Variants in NCAPD3 observed in about 807,000 individuals in gnomAD.
NCAPD3 encodes the protein condensin-2 complex subunit D3.
NCAPD3 carries 105 observed loss-of-function variants against 182.9 expected under a neutral mutation model. That is an observed-to-expected ratio of 0.57 (90% CI 0.49 to 0.68). The LOEUF (loss-of-function observed/expected upper bound fraction) is 0.68. Among genes scored for constraint, NCAPD3 ranks in the 30% least tolerant of loss-of-function variants. The pLI, the probability that NCAPD3 is intolerant of heterozygous loss-of-function variation, is 0.00. For missense variants in NCAPD3, 1,944 were observed against 1,837.0 expected, an observed-to-expected ratio of 1.06 and a Z score of -1.07; for synonymous variants, 815 against 679.9, an observed-to-expected ratio of 1.20 and a Z score of -3.09.
In NCAPD3 at chr11:134,175,154, A is replaced by G. The variant is rs762426397; in HGVS notation, c.3101+1153T>C. 2.0e-5 allele frequency among the ~76,000 whole-genome samples: 3 copies of G among 152,314 alleles called. No individual in the cohort carries two copies. The South Asian group carries it at 6.2e-4, about 32-fold the overall frequency. On this transcript the variant is annotated intron_variant, in intron 24 of 34. Coordinates refer to ENST00000534548, the MANE Select transcript of NCAPD3 (RefSeq NM_015261.3). ...AATCCCACATACAGTTTACTCATTG[A>G]TCATTGCTCTTTTTCACATACACAT...
intron 24 of NCAPD3, among the ~76,000 whole-genome samples, chr11:134,174,475 G>A (rs1944109911): frequency 6.6e-6 from 1 of 150,690 alleles, no homozygotes; most frequent in Non-Finnish European, 1.5e-5. Context: ...CAAAAGTCAG[G>A]CACAGAAAGA....
rs777044701 is a variant in NCAPD3, at chr11:134,220,672, G to A, written c.119C>T (p.Pro40Leu). 1 of 1,613,822 alleles carries A rather than the reference G, an allele frequency of 6.2e-7. No individual in the cohort carries two copies. The highest frequency in any genetic ancestry group is 1.7e-5 in the Admixed American group (1 of 60,012). ...LDFTETEPLD[P>L]SIEAEIIETG... ...CTCTATGATCTCTGCTTCTATGCTG[G>A]GATCCAAAGGCTCAGTCTCTGTGAA... The change falls in exon 2 of 35, where the codon CCC becomes CTC. Residue 40 changes from proline (P) to leucine (L), a missense_variant. Pro to Leu is a moderately conservative substitution (Grantham distance 98). Transcript: ENST00000534548.
intron 24 of NCAPD3, among the ~76,000 whole-genome samples, chr11:134,171,375 AG>A (rs1342685888): frequency 4.6e-5 from 7 of 152,218 alleles, no homozygotes. Context: ...AAAGGCCACA[AG>A]GTAAGAGCCA....
At position 134,179,019 on chromosome 11, in the gene NCAPD3, AT is replaced by A. The variant is rs959791465; in HGVS notation, c.2560-84del. The A allele has an allele frequency of 2.3e-4, 198 of 860,690 alleles. No homozygotes were observed. In the African/African-American group the frequency reaches 2.9e-3, roughly 13 times the overall value. 53.3% of individuals were successfully genotyped at this position (860,690 alleles called of 1,614,324 possible). On this transcript the variant is annotated intron_variant, in intron 20 of 34. Transcript: ENST00000534548. ...TAGATTAAGGACATGTCAATGGAGT[AT>A]TTCCTTTATCCCCCAAATTTAAAAC...
intron 13 of NCAPD3, among the ~76,000 whole-genome samples, chr11:134,195,106 A>T (rs1048262703): frequency 6.6e-5 from 10 of 152,188 alleles, no homozygotes; most frequent in South Asian, 2.1e-4. Flanking sequence ...ACTTGAAGAC[A>T]TTTTTTTATA....
At position 134,223,966 on chromosome 11, in the gene NCAPD3, T is replaced by C. The variant is rs773045843; in HGVS notation, c.-40A>G. ...GGCTCGCCGCCGCCGTGCTCAACTT[T>C]CAAAGCTCGCTCCCGCGCGCGCGCC... On this transcript the variant is annotated 5_prime_UTR_variant, in exon 1 of 35. Transcript: ENST00000534548. 2 of 1,605,414 alleles carry C rather than the reference T, an allele frequency of 1.2e-6. No individual in the cohort carries two copies.
rs564295131 is a variant in NCAPD3 at position 134,150,736 on chromosome 11, A to T, written c.*2208T>A. ...TCTGTCAAGTACAATAACATTTTTAAAAGAAAATGGATCCCACTGTTCCTC... is the reference window on the plus strand; with the variant it reads ...TCTGTCAAGTACAATAACATTTTTATAAGAAAATGGATCCCACTGTTCCTC... On this transcript the variant is annotated 3_prime_UTR_variant, in exon 35 of 35. Transcript: ENST00000534548. The T allele has an allele frequency of 6.6e-6, 1 of 152,250 alleles. No homozygotes were observed. The highest frequency in any genetic ancestry group is 1.9e-4 in the East Asian group (1 of 5,186). The allele number at this position is 152,250 out of a possible 1,614,324, so 9.4% of individuals were successfully genotyped here.
chr11:134,210,558 A>G, intron 3 of NCAPD3, 104 bp from the exon 4 acceptor site: 1 of 992,268 alleles, frequency 1.0e-6, no homozygotes, highest in South Asian at 1.6e-5. Flanking sequence ...GCTTTTCATG[A>G]CTGTGAATAA....
chr11:134,209,079 T>C, intron 6 of NCAPD3, 66 bp downstream of exon 6: 1 of 1,542,686 alleles, frequency 6.5e-7, no homozygotes. Context: ...GGTATTTCCA[T>C]TTCTGCTGGA....
At chr11:134,193,784 A>C (rs1944570540) in intron 15 of NCAPD3, among the ~76,000 whole-genome samples, 1 of 152,164 alleles carries the variant, frequency 6.6e-6, no homozygotes, top group Admixed American at 6.5e-5. Flanking sequence ...TAAAGTGAAG[A>C]AAGGGCTAAC....
At chr11:134,223,622 G>C in intron 1 of NCAPD3, 2 of 654,306 alleles carry the variant, frequency 3.1e-6, no homozygotes, top group Non-Finnish European at 5.6e-6. Flanking sequence ...AGATGCACAG[G>C]CGCTAGAAGA....
In NCAPD3 at chr11:134,204,115, G is replaced by T. The variant is rs772997717; in HGVS notation, c.1146C>A (p.Leu382=). 5.0e-6 allele frequency: 8 copies of T among 1,613,938 alleles called. No individual in the cohort carries two copies. In the East Asian group the frequency reaches 1.8e-4, roughly 36 times the overall value. Reference sequence around the variant, plus strand: ...CGTATTCCCCACAAGGAAGTTTACTGAGCAGCTGGACTAGGGACTGGGCTG... The same window carrying T: ...CGTATTCCCCACAAGGAAGTTTACTTAGCAGCTGGACTAGGGACTGGGCTG... ...TFAAQSLVQL[L]SKLPCGEYAM... is the part of the protein sequence containing the mutation. The change falls in exon 10 of 35, where the codon CTC becomes CTA. Residue 382 remains leucine (L), a synonymous_variant. Coordinates refer to ENST00000534548, the MANE Select transcript of NCAPD3 (RefSeq NM_015261.3). This position sits in a 1 kb window ranked among gnomAD's most constrained non-coding sequence, Gnocchi z 4.3.
At position 134,153,383 on chromosome 11, in the gene NCAPD3, CACT is replaced by C. The variant is rs765960563; in HGVS notation, c.4253-23_4253-21del. 3.7e-5 allele frequency: 60 copies of C among 1,613,538 alleles called. 1 individual carries two copies. In the Middle Eastern group the frequency reaches 1.3e-3, roughly 36 times the overall value. ...TGCTCTCTGCATAAAGAGGAGACACCACTGAGTGAAAGCCGCGTGGTCTATCGG... is the reference window on the plus strand; with the variant it reads ...TGCTCTCTGCATAAAGAGGAGACACCGAGTGAAAGCCGCGTGGTCTATCGG... On this transcript the variant is annotated intron_variant, in intron 32 of 34. Transcript: ENST00000534548.
At chr11:134,197,625 T>C (rs1434025224) in intron 13 of NCAPD3, among the ~76,000 whole-genome samples, 1 of 152,166 alleles carries the variant, frequency 6.6e-6, no homozygotes, top group African/African-American at 2.4e-5. Flanking sequence ...AACAGACCAA[T>C]ATTCCTTATG....
At chr11:134,172,784 T>C (rs1944042856) in intron 24 of NCAPD3, among the ~76,000 whole-genome samples, 2 of 151,920 alleles carry the variant, frequency 1.3e-5, no homozygotes, top group South Asian at 4.2e-4. Flanking sequence ...TCACGCCCAA[T>C]CCCAGCACTT....
rs548373594 is a variant in NCAPD3 at position 134,221,792 on chromosome 11, C to T, written c.65-1066G>A. ...TGAAAGGCCTTACACTCAACTAGTT[C>T]CATCCTTAGAATACAATCTGGTCAT... is the stretch of plus-strand genomic sequence containing the variant. On this transcript the variant is annotated intron_variant, in intron 1 of 34. Transcript: ENST00000534548. Among the ~76,000 whole-genome samples the T allele has an allele frequency of 4.2e-3, 634 of 152,320 alleles. 4 individuals carry two copies. Among genetic ancestry groups the T allele is most frequent in the African/African-American group, 0.015 (607 of 41,562 alleles).
intron 3 of NCAPD3, among the ~76,000 whole-genome samples, chr11:134,214,896 G>A (rs1180257951): frequency 6.6e-6 from 1 of 152,154 alleles, no homozygotes; most frequent in Non-Finnish European, 1.5e-5. Flanking sequence ...AAGATACCCA[G>A]ATACTCAAAC....
At chr11:134,209,256 A>G (rs777382916) in intron 5 of NCAPD3, 50 bp from the exon 6 acceptor site, 23 of 1,609,548 alleles carry the variant, frequency 1.4e-5, no homozygotes, top group Non-Finnish European at 2.0e-5. Flanking sequence ...CTGATCAGGT[A>G]TTAGCCATAG....
At chr11:134,185,906 C>CTTTTTTTTTTTTTTTTTTTTT (rs34931150) in intron 16 of NCAPD3, 1 of 138,312 alleles carries the variant, frequency 7.2e-6, no homozygotes. Context: ...TAACATTGTC[C>CTTTTTTTTTTTTTTTTTTTTT]TTTTTTTTTT....
Sources: allele counts gnomAD v4.1 joint callset (sites outside exome capture counted in the v4.1 genomes callset), GRCh38; gene constraint gnomAD v4.1.1; non-coding constraint Gnocchi (gnomAD v3.1); transcripts MANE v1.5; gene names NCBI Gene and HGNC (gene_info 2026-07-23, HGNC 2026-07-21).